Variants in LTBP1 observed in about 807,000 individuals in gnomAD.
LTBP1 encodes latent-transforming growth factor beta-binding protein 1.
In LTBP1, 129 loss-of-function variants were observed where a neutral mutation model predicts 207.6. The ratio of observed to expected loss-of-function variants is 0.62; its 90% CI spans 0.54 to 0.72. The LOEUF is 0.72. LTBP1 is among the 30% of genes least tolerant of loss of function. The pLI, the probability that LTBP1 is intolerant of heterozygous loss-of-function variation, is 0.00. For synonymous variants in LTBP1, 963 were observed against 833.7 expected (o/e 1.16, Z -2.67); for missense variants, 2,281 against 2,217.2 (o/e 1.03, Z -0.58).
intron 3 of LTBP1, among the ~76,000 whole-genome samples, chr2:33,046,022 G>T (rs1280200650): frequency 6.6e-6 from 1 of 152,140 alleles, no homozygotes; most frequent in South Asian, 2.1e-4. Context: ...GGGCTGAGAC[G>T]ATGGGGTTTT....
intron 24 of LTBP1, among the ~76,000 whole-genome samples, chr2:33,316,629 A>G (rs1054826198): frequency 2.0e-5 from 3 of 152,200 alleles, no homozygotes; most frequent in Non-Finnish European, 4.4e-5. Context: ...GGAAGAAAGC[A>G]TCATAATAAT....
At chr2:33,269,565 T>TAC (rs1438173416) in intron 15 of LTBP1, among the ~76,000 whole-genome samples, 7 of 152,160 alleles carry the variant, frequency 4.6e-5, no homozygotes, top group Admixed American at 1.3e-4. Context: ...CCAGCATACA[T>TAC]ACCCCTGACA....
intron 24 of LTBP1, among the ~76,000 whole-genome samples, chr2:33,322,541 G>A (rs528946708): frequency 3.3e-5 from 5 of 152,288 alleles, no homozygotes; most frequent in Non-Finnish European, 7.4e-5. Flanking sequence ...ATATCTGATT[G>A]CATGATTTTA....
At chr2:33,202,377 T>C (rs2089407373) in intron 7 of LTBP1, among the ~76,000 whole-genome samples, 1 of 152,160 alleles carries the variant, frequency 6.6e-6, no homozygotes, top group African/African-American at 2.4e-5. Context: ...AGATGGGCAC[T>C]TTGGAAATCT....
intron 18 of LTBP1, among the ~76,000 whole-genome samples, chr2:33,277,805 CTT>C (rs1266774307): frequency 8.4e-5 from 9 of 106,974 alleles, no homozygotes; most frequent in African/African-American, 3.2e-4. Context: ...TTCTCTCTCT[CTT>C]TCTTTTTTTC....
At chr2:32,981,499 T>G (rs1402283427) in intron 2 of LTBP1, among the ~76,000 whole-genome samples, 4 of 152,218 alleles carry the variant, frequency 2.6e-5, no homozygotes, top group African/African-American at 7.2e-5. Flanking sequence ...GATTTTTCAG[T>G]TTGTTCAGCT....
chr2:33,248,864 G>C (rs1312122945), intron 10 of LTBP1, among the ~76,000 whole-genome samples: 1 of 152,170 alleles, frequency 6.6e-6, no homozygotes, highest in Non-Finnish European at 1.5e-5. Flanking sequence ...TGGGATTACA[G>C]GCATGAGCCA....
At chr2:33,369,688 CCA>C (rs2095044505) in intron 31 of LTBP1, among the ~76,000 whole-genome samples, 1 of 152,108 alleles carries the variant, frequency 6.6e-6, no homozygotes, top group African/African-American at 2.4e-5. Context: ...CAGGCGCGCA[CCA>C]CCACACACAC....
intron 3 of LTBP1, among the ~76,000 whole-genome samples, chr2:33,077,526 G>T (rs1012730075): frequency 6.6e-6 from 1 of 152,084 alleles, no homozygotes; most frequent in Non-Finnish European, 1.5e-5. Context: ...AAGAGAGAGG[G>T]GGGTGAGGTG....
chr2:33,085,517 G>C (rs1257528030), intron 3 of LTBP1, among the ~76,000 whole-genome samples: 1 of 152,096 alleles, frequency 6.6e-6, no homozygotes, highest in Non-Finnish European at 1.5e-5. Context: ...CTTGCCTTAG[G>C]AATAATAATG....
intron 2 of LTBP1, among the ~76,000 whole-genome samples, chr2:32,968,231 G>A (rs113063995): frequency 2.6e-5 from 4 of 152,184 alleles, no homozygotes; most frequent in Admixed American, 2.6e-4. Flanking sequence ...CTCCCAAAGT[G>A]TAAGGATTAC....
chr2:32,968,567 C>T (rs1019537934), intron 2 of LTBP1, among the ~76,000 whole-genome samples: 1 of 151,942 alleles, frequency 6.6e-6, no homozygotes. Context: ...TTTTTTGATC[C>T]ACTCTGACAG....
chr2:33,094,741 C>G (rs1277718504), intron 3 of LTBP1, among the ~76,000 whole-genome samples: 1 of 152,160 alleles, frequency 6.6e-6, no homozygotes, highest in Non-Finnish European at 1.5e-5. Context: ...TGTGATGAAT[C>G]CCCTTGGCCT....
intron 4 of LTBP1, among the ~76,000 whole-genome samples, chr2:33,124,041 A>G (rs2081300685): frequency 6.6e-6 from 1 of 152,244 alleles, no homozygotes; most frequent in Non-Finnish European, 1.5e-5. Context: ...TAGACTTTTA[A>G]CACAATAACA....
Position 33,347,169 on chromosome 2 carries a change from C to CA in LTBP1, c.3857-197dup, listed in dbSNP as rs368833670. 9.0e-4 allele frequency among the ~76,000 whole-genome samples: 131 copies of CA among 146,288 alleles called. No homozygotes were observed. The Middle Eastern group carries it at 0.018, about 20-fold the overall frequency. On this transcript the variant is annotated intron_variant, in intron 25 of 33. Transcript: ENST00000404816. Reference sequence around the variant, plus strand: ...TAAATTCGGAATTGTCTTGAATTTTCATAGTCCTTTCGTACAGACCAAATC... The same window carrying CA: ...TAAATTCGGAATTGTCTTGAATTTTCAATAGTCCTTTCGTACAGACCAAATC...
rs540727962 is a variant in LTBP1, at chr2:33,137,690, C to T, written c.1201+2730C>T. Among the ~76,000 whole-genome samples, 639 of 146,844 alleles carry T rather than the reference C, an allele frequency of 4.4e-3. 5 individuals are homozygous for T. Among genetic ancestry groups the T allele is most frequent in the African/African-American group, 0.016 (611 of 39,240 alleles). On this transcript the variant is annotated intron_variant, in intron 5 of 33. Coordinates refer to ENST00000404816, the MANE Select transcript of LTBP1 (RefSeq NM_206943.4). Reference sequence around the variant, plus strand: ...TTTCCAACATTTGCATGGTGATTTACAGTTTTTGTTTGTTTGTTTGTTTGT... The same window carrying T: ...TTTCCAACATTTGCATGGTGATTTATAGTTTTTGTTTGTTTGTTTGTTTGT...
At chr2:33,314,370 T>C (rs2149242966) in intron 23 of LTBP1, among the ~76,000 whole-genome samples, 1 of 152,194 alleles carries the variant, frequency 6.6e-6, no homozygotes, top group East Asian at 1.9e-4. Context: ...GGCATCATAG[T>C]GAGACCCCAT....
chr2:32,972,739 A>G (rs536445245), intron 2 of LTBP1, among the ~76,000 whole-genome samples: 2 of 152,234 alleles, frequency 1.3e-5, no homozygotes, highest in South Asian at 4.1e-4. Context: ...TGATGGTTTT[A>G]AAAGTGGCAG....
At chr2:33,017,206 G>T (rs76520607) in intron 2 of LTBP1, among the ~76,000 whole-genome samples, 278 of 152,276 alleles carry the variant, frequency 1.8e-3, no homozygotes, top group African/African-American at 6.3e-3. Flanking sequence ...ATCTAAAATT[G>T]CAATAAAAAT....
Sources: allele counts gnomAD v4.1 joint callset (sites outside exome capture counted in the v4.1 genomes callset), GRCh38; gene constraint gnomAD v4.1.1; transcripts MANE v1.5; gene names NCBI Gene and HGNC (gene_info 2026-07-23, HGNC 2026-07-21).